The following KCNC2 variants were observed in gnomAD, a reference collection of about 807,000 sequenced individuals.
KCNC2 encodes voltage-gated potassium channel KCNC2.
KCNC2 carries 21 observed loss-of-function variants against 44.5 expected under a neutral mutation model. The observed-to-expected ratio is 0.47, with a 90% confidence interval of 0.33 to 0.68. The LOEUF is 0.68. Among genes scored for constraint, KCNC2 ranks in the 30% least tolerant of loss-of-function variants. The pLI is 0.01. For synonymous variants in KCNC2, 391 were observed against 339.1 expected (o/e 1.15, Z -1.68); for missense variants, 589 against 826.2 (o/e 0.71, Z 3.52).
At position 75,207,128 on chromosome 12, in the gene KCNC2, G is replaced by T. The variant is rs1429169455; in HGVS notation, c.687+169C>A. Reference sequence around the variant, plus strand: ...TGGGACTGGGTAGGGATGGTGGCCGGGGTCCCTGGGTTTACCCTGCAAAGG... The same window carrying T: ...TGGGACTGGGTAGGGATGGTGGCCGTGGTCCCTGGGTTTACCCTGCAAAGG... On this transcript the variant is annotated intron_variant, in intron 2 of 4. Coordinates refer to ENST00000549446, the MANE Select transcript of KCNC2 (RefSeq NM_139137.4). This position sits in a 1 kb window ranked among gnomAD's most constrained non-coding sequence, Gnocchi z 4.1. 6.6e-6 allele frequency among the ~76,000 whole-genome samples: 1 copy of T among 152,104 alleles called. No individual in the cohort carries two copies. Among genetic ancestry groups the T allele is most frequent in the African/African-American group, 2.4e-5 (1 of 41,420 alleles).
At chr12:75,055,164 G>A (rs73357067) in intron 2 of KCNC2, among the ~76,000 whole-genome samples, 283 of 152,150 alleles carry the variant, frequency 1.9e-3, no homozygotes, top group African/African-American at 6.5e-3. Flanking sequence ...CTCCTTGCAC[G>A]ATTGTTACTA....
rs199812916 is a variant in KCNC2, at chr12:75,043,058, C to T, written c.*47G>A. ...TATTTCCATTATGGGGTAAACAGCA[C>T]TTGAATTAATACAATTTAGCCGACT... On this transcript the variant is annotated 3_prime_UTR_variant, in exon 5 of 5. Coordinates refer to ENST00000549446, the MANE Select transcript of KCNC2 (RefSeq NM_139137.4). 5.0e-6 allele frequency: 8 copies of T among 1,606,450 alleles called. No individual in the cohort carries two copies. The highest frequency in any genetic ancestry group is 6.0e-6 in the Non-Finnish European group (7 of 1,175,808).
rs1026463163 is a variant in KCNC2, at chr12:75,207,190, C to T, written c.687+107G>A. 1.4e-6 allele frequency: 2 copies of T among 1,455,976 alleles called. No individual in the cohort carries two copies. The highest frequency in any genetic ancestry group is 1.8e-6 in the Non-Finnish European group (2 of 1,104,550). 90.2% of individuals were successfully genotyped at this position (1,455,976 alleles called of 1,614,324 possible). On this transcript the variant is annotated intron_variant, in intron 2 of 4. Transcript: ENST00000549446. The surrounding 1 kb of genome is among the most constrained non-coding windows in gnomAD (Gnocchi z 4.1). ...ACTGTATCGCTAGGAAATCCCGGGT[C>T]TCTTCTACCCCCCATGCCTGAGGCC...
intron 1 of KCNC2, 138 bp downstream of exon 1, chr12:75,209,069 C>T (rs942402182): frequency 6.6e-6 from 1 of 152,562 alleles, no homozygotes; most frequent in Non-Finnish European, 1.5e-5. Context: ...TTCCAGCCTC[C>T]CAGCCACCTC....
At chr12:75,160,114 C>A (rs530715477) in intron 2 of KCNC2, among the ~76,000 whole-genome samples, 2 of 151,746 alleles carry the variant, frequency 1.3e-5, no homozygotes, top group Non-Finnish European at 2.9e-5. Context: ...GGAGATAGGA[C>A]CTTTAAGGAG....
chr12:75,048,220 T>C lies in KCNC2; in HGVS notation c.1713A>G (p.Arg571=), dbSNP rs1480309865. 6.2e-7 allele frequency: 1 copy of C among 1,613,066 alleles called. No individual in the cohort carries two copies. Among genetic ancestry groups the C allele is most frequent in the Non-Finnish European group, 8.5e-7 (1 of 1,179,358 alleles). ...RRSSTRDKNR[R]GETCFLLTTG... is the part of the protein sequence containing the mutation. Reference sequence around the variant, plus strand: ...TCGTCAGTAGGAAACATGTTTCCCCTCTTCTGTTTTTGTCTCTGGTACTAG... The same window carrying C: ...TCGTCAGTAGGAAACATGTTTCCCCCCTTCTGTTTTTGTCTCTGGTACTAG... The change falls in exon 4 of 5, where the codon AGA becomes AGG. Residue 571 remains arginine, a synonymous_variant. Coordinates refer to ENST00000549446, the MANE Select transcript of KCNC2 (RefSeq NM_139137.4).
intron 2 of KCNC2, among the ~76,000 whole-genome samples, chr12:75,097,833 A>T (rs983280345): frequency 2.6e-5 from 4 of 152,130 alleles, no homozygotes; most frequent in Non-Finnish European, 4.4e-5. Context: ...TCATTTATGA[A>T]ATAGAGACAG....
intron 2 of KCNC2, among the ~76,000 whole-genome samples, chr12:75,112,163 TAA>T (rs1478982650): frequency 1.3e-5 from 2 of 151,970 alleles, no homozygotes; most frequent in Non-Finnish European, 2.9e-5. Flanking sequence ...AAATAAAAGA[TAA>T]GTTAGCCCAA....
In KCNC2 at chr12:75,132,840, A is replaced by T. The variant is rs577243012; in HGVS notation, c.687+74457T>A. Among the ~76,000 whole-genome samples, 5 of 152,186 alleles carry T rather than the reference A, an allele frequency of 3.3e-5. No individual in the cohort carries two copies. In the South Asian group the frequency reaches 6.2e-4, roughly 19 times the overall value. On this transcript the variant is annotated intron_variant, in intron 2 of 4. Coordinates refer to ENST00000549446, the MANE Select transcript of KCNC2 (RefSeq NM_139137.4). ...TCTATAACACTACTGAAGAAATGTA[A>T]ACTGCATTTAATGACAGCTCCACTA... is the stretch of plus-strand genomic sequence containing the variant.
intron 2 of KCNC2, among the ~76,000 whole-genome samples, chr12:75,132,705 C>T (rs1888941409): frequency 6.6e-6 from 1 of 152,028 alleles, no homozygotes; most frequent in South Asian, 2.1e-4. Context: ...TGCAAACTCT[C>T]AATACAAAAT....
intron 4 of KCNC2, 51 bp from the exon 5 acceptor site, chr12:75,043,292 C>G (rs530160260): frequency 3.1e-6 from 5 of 1,605,656 alleles, no homozygotes; most frequent in Non-Finnish European, 3.4e-6. Context: ...AGAATATAGA[C>G]AGACAAATAA....
At chr12:75,109,354 G>A (rs1412448975) in intron 2 of KCNC2, among the ~76,000 whole-genome samples, 3 of 152,108 alleles carry the variant, frequency 2.0e-5, no homozygotes, top group Non-Finnish European at 4.4e-5. Flanking sequence ...TCACCTCTGC[G>A]CTTGATGGCA....
intron 2 of KCNC2, among the ~76,000 whole-genome samples, chr12:75,163,453 G>A (rs185875467): frequency 6.6e-6 from 1 of 151,608 alleles, no homozygotes; most frequent in African/African-American, 2.4e-5. Flanking sequence ...TTTTCATTTG[G>A]AACAAATGCA....
intron 2 of KCNC2, among the ~76,000 whole-genome samples, chr12:75,176,885 C>G (rs951391366): frequency 4.6e-5 from 7 of 151,882 alleles, no homozygotes; most frequent in East Asian, 1.9e-4. Flanking sequence ...ATGCTCTTAT[C>G]ATCAACATTT....
chr12:75,151,041 C>CT (rs1382719691), intron 2 of KCNC2, among the ~76,000 whole-genome samples: 3 of 151,814 alleles, frequency 2.0e-5, no homozygotes, highest in Non-Finnish European at 4.4e-5. Context: ...TGATTTTTAT[C>CT]TTAACAGTTT....
In KCNC2 at chr12:75,048,224, C is replaced by T; in HGVS notation, c.1709G>A (p.Arg570Lys). 6.2e-7 allele frequency: 1 copy of T among 1,613,082 alleles called. No homozygotes were observed. The highest frequency in any genetic ancestry group is 8.5e-7 in the Non-Finnish European group (1 of 1,179,378). Residue 570 changes from arginine (R) to lysine (K), a missense_variant, in exon 4 of 5, where the codon AGA (arginine) becomes AAA (lysine). Arg to Lys is a conservative substitution (Grantham distance 26). This residue lies in a region of KCNC2 where 171 missense variants were observed against 182.4 expected (regional missense o/e 0.94). Coordinates refer to ENST00000549446, the MANE Select transcript of KCNC2 (RefSeq NM_139137.4). Reference sequence around the variant, plus strand: ...CAGTAGGAAACATGTTTCCCCTCTTCTGTTTTTGTCTCTGGTACTAGAGCG... The same window carrying T: ...CAGTAGGAAACATGTTTCCCCTCTTTTGTTTTTGTCTCTGGTACTAGAGCG... ...IRRSSTRDKNRRGETCFLLTT... is the reference protein window; with the variant it reads ...IRRSSTRDKNKRGETCFLLTT...
chr12:75,131,457 T>C (rs1033232480), intron 2 of KCNC2, among the ~76,000 whole-genome samples: 5 of 152,164 alleles, frequency 3.3e-5, no homozygotes, highest in African/African-American at 1.2e-4. Context: ...GTGAATTTGT[T>C]ATGTTACATG....
At chr12:75,141,962 C>T (rs1355759823) in intron 2 of KCNC2, among the ~76,000 whole-genome samples, 3 of 152,240 alleles carry the variant, frequency 2.0e-5, no homozygotes, top group Non-Finnish European at 4.4e-5. Flanking sequence ...TCATTCTGTA[C>T]TCATTTTATA....
chr12:75,115,387 G>A (rs1282443341), intron 2 of KCNC2, among the ~76,000 whole-genome samples: 1 of 152,208 alleles, frequency 6.6e-6, no homozygotes, highest in African/African-American at 2.4e-5. Flanking sequence ...CTGAGCTTCT[G>A]AGAGATGCTG....
Sources: allele counts gnomAD v4.1 joint callset (sites outside exome capture counted in the v4.1 genomes callset), GRCh38; gene constraint gnomAD v4.1.1; regional missense constraint gnomAD v4.1.1; non-coding constraint Gnocchi (gnomAD v3.1); transcripts MANE v1.5; gene names NCBI Gene and HGNC (gene_info 2026-07-23, HGNC 2026-07-21).